The following AGT variants were observed in gnomAD, a reference collection of about 807,000 sequenced individuals.
The protein encoded by AGT is alpha-1 antiproteinase, antitrypsin.
In AGT, 26 loss-of-function variants were observed where a neutral mutation model predicts 28.1. The ratio of observed to expected loss-of-function variants is 0.92; its 90% confidence interval spans 0.68 to 1.28. The LOEUF is 1.28. Among genes scored for constraint, AGT ranks in the 50% most tolerant of loss-of-function variants. AGT has a pLI of 0.00. For synonymous variants in AGT, 259 were observed against 259.6 expected (o/e 1.00, Z 0.02); for missense variants, 596 against 592.3 (o/e 1.01, Z -0.06).
At position 230,710,521 on chromosome 1, in the gene AGT, G is replaced by A. The variant is rs5040; in HGVS notation, c.303C>T (p.Ala101=). 2.7e-5 allele frequency: 43 copies of A among 1,614,222 alleles called. No homozygotes were observed. In the African/African-American group the frequency reaches 4.8e-4, roughly 18 times the overall value. Residue 101 remains alanine, a synonymous_variant, in exon 2 of 5, where the codon GCC becomes GCT. Coordinates refer to ENST00000366667, the MANE Select transcript of AGT (RefSeq NM_001384479.1). ...CATATATACGGAAGCCCAAGAAGTT[G>A]GCCAGCATCCCGACCATTGCGGCCC... ...KLRAAMVGML[A]NFLGFRIYGM... is the part of the protein sequence containing the mutation.
intron 3 of AGT, among the ~76,000 whole-genome samples, chr1:230,705,541 C>T (rs1487071464): frequency 6.6e-6 from 1 of 152,234 alleles, no homozygotes; most frequent in Non-Finnish European, 1.5e-5. Flanking sequence ...TCCGAACCCT[C>T]CTGGCAAGTC....
intron 1 of AGT, among the ~76,000 whole-genome samples, chr1:230,734,366 T>G (rs1343668562): frequency 6.6e-6 from 1 of 151,308 alleles, no homozygotes; most frequent in Non-Finnish European, 1.5e-5. Flanking sequence ...GAAAATAGAA[T>G]GGTGGTTTCC....
intron 4 of AGT, 48 bp downstream of exon 4, chr1:230,704,145 G>A: frequency 6.2e-7 from 1 of 1,613,904 alleles, no homozygotes; most frequent in East Asian, 2.2e-5. Flanking sequence ...CTCCCACCCT[G>A]TGCACACTTG....
chr1:230,710,206 T>G lies in AGT; in HGVS notation c.618A>C (p.Pro206=). The G allele has an allele frequency of 6.2e-7, 1 of 1,613,670 alleles. No individual in the cohort carries two copies. The highest frequency in any genetic ancestry group is 8.5e-7 in the Non-Finnish European group (1 of 1,179,958). The part of the protein sequence containing the change: ...LSTVVGVFTA[P]GLHLKQPFVQ... Reference sequence around the variant, plus strand: ...CAAACGGCTGCTTCAGGTGCAGGCCTGGGGCTGTGAACACGCCCACCACCG... The same window carrying G: ...CAAACGGCTGCTTCAGGTGCAGGCCGGGGGCTGTGAACACGCCCACCACCG... The change falls in exon 2 of 5, where the codon CCA becomes CCC. Residue 206 remains proline (P), a synonymous_variant. Coordinates refer to ENST00000366667, the MANE Select transcript of AGT (RefSeq NM_001384479.1).
chr1:230,732,723 T>C (rs1287717395), intron 1 of AGT, among the ~76,000 whole-genome samples: 1 of 152,134 alleles, frequency 6.6e-6, no homozygotes, highest in African/African-American at 2.4e-5. Context: ...TACTCTCCAT[T>C]AAATGGAAGT....
chr1:230,718,722 C>CTTTTTTTTTTTTTTTTTTTTTTTTT (rs1228887131), upstream of AGT, among the ~76,000 whole-genome samples: 1 of 118,496 alleles, frequency 8.4e-6, no homozygotes, highest in African/African-American at 3.4e-5. Flanking sequence ...TTCCACACCG[C>CTTTTTTTTTTTTTTTTTTTTTTTTT]TTTTTTTTTT....
intron 2 of AGT, among the ~76,000 whole-genome samples, 173 bp downstream of exon 2, chr1:230,709,822 G>C (rs557130058): frequency 6.6e-6 from 1 of 152,346 alleles, no homozygotes; most frequent in East Asian, 1.9e-4. Context: ...CCAGGAGGTG[G>C]ACGGCCCATC....
Position 230,706,163 on chromosome 1 carries a change from C to T in AGT, c.867G>A (p.Gln289=), listed in dbSNP as rs1250778117. 18 of 1,613,834 alleles carry T rather than the reference C, an allele frequency of 1.1e-5. No individual in the cohort carries two copies. Among genetic ancestry groups the T allele is most frequent in the Non-Finnish European group, 1.4e-5 (17 of 1,179,872 alleles). ...AGGTGCTGTTGTCCACCCAGAACTC[C>T]TGGGGCTCGGCCAGCAGGGAGAAGC... ...MKGFSLLAEP[Q]EFWVDNSTSV... Residue 289 remains glutamine (Q), a synonymous_variant, in exon 3 of 5, where the codon CAG becomes CAA. Coordinates refer to ENST00000366667, the MANE Select transcript of AGT (RefSeq NM_001384479.1).
chr1:230,710,930 G>T, intron 1 of AGT, 77 bp from the exon 2 acceptor site: 1 of 1,524,628 alleles, frequency 6.6e-7, no homozygotes, highest in Non-Finnish European at 9.0e-7. Flanking sequence ...ATCTTTCATT[G>T]TCTCAATATT....
At chr1:230,707,252 C>CA (rs755851510) in intron 2 of AGT, among the ~76,000 whole-genome samples, 2 of 152,258 alleles carry the variant, frequency 1.3e-5, no homozygotes, top group Non-Finnish European at 2.9e-5. Context: ...CTCGACCTTA[C>CA]ACTAGCACAT....
upstream of AGT, among the ~76,000 whole-genome samples, chr1:230,717,225 A>C (rs1411842704): frequency 6.6e-6 from 1 of 151,822 alleles, no homozygotes; most frequent in Non-Finnish European, 1.5e-5. Flanking sequence ...CCCTTTCTAT[A>C]TAGACACAGT....
At chr1:230,739,962 GCCACT>G (rs1558296721) in intron 1 of AGT, among the ~76,000 whole-genome samples, 4 of 152,192 alleles carry the variant, frequency 2.6e-5, no homozygotes. Flanking sequence ...AGAAAGAATG[GCCACT>G]CCGTAGGTAG....
At chr1:230,720,808 G>A (rs914661339) in intron 1 of AGT, among the ~76,000 whole-genome samples, 5 of 144,936 alleles carry the variant, frequency 3.4e-5, no homozygotes, top group East Asian at 2.6e-4. Flanking sequence ...CCAGCCACAT[G>A]GGGGACTTTC....
At chr1:230,731,881 C>T (rs943084604) in intron 1 of AGT, among the ~76,000 whole-genome samples, 1 of 151,720 alleles carries the variant, frequency 6.6e-6, no homozygotes, top group African/African-American at 2.4e-5. Flanking sequence ...AAAATAATAA[C>T]AACAACAACA....
intron 2 of AGT, among the ~76,000 whole-genome samples, chr1:230,707,965 C>A (rs1194786245): frequency 7.9e-5 from 12 of 152,180 alleles, no homozygotes. Flanking sequence ...GGCCCCAGAT[C>A]CTCAGGTCCT....
chr1:230,742,069 T>A (rs1435037550), intron 1 of AGT, among the ~76,000 whole-genome samples: 1 of 151,984 alleles, frequency 6.6e-6, no homozygotes, highest in Non-Finnish European at 1.5e-5. Context: ...AATAAAATTT[T>A]AAAAAATTCA....
At chr1:230,734,857 C>G (rs1453312919) in intron 1 of AGT, among the ~76,000 whole-genome samples, 1 of 152,022 alleles carries the variant, frequency 6.6e-6, no homozygotes, top group Non-Finnish European at 1.5e-5. Flanking sequence ...CTACAGGCGC[C>G]TGCCACCACG....
intron 1 of AGT, among the ~76,000 whole-genome samples, chr1:230,740,914 T>C (rs1571990290): frequency 6.6e-6 from 1 of 152,300 alleles, no homozygotes; most frequent in East Asian, 1.9e-4. Flanking sequence ...ACCACTGCAC[T>C]CTAGCCTGGC....
chr1:230,706,191 T>C lies in AGT; in HGVS notation c.839A>G (p.Lys280Arg). Reference sequence around the variant, plus strand: ...GGGCTCGGCCAGCAGGGAGAAGCCCTTCATCTTCCCTGAAATCCAGACAGG... The same window carrying C: ...GGGCTCGGCCAGCAGGGAGAAGCCCCTCATCTTCCCTGAAATCCAGACAGG... ...NTYVHFQGKM[K>R]GFSLLAEPQE... is the part of the protein sequence containing the mutation. Residue 280 changes from lysine to arginine, a missense_variant, in exon 3 of 5, where the codon AAG becomes AGG. Physicochemically the swap from Lys to Arg is conservative, Grantham distance 26. Coordinates refer to ENST00000366667, the MANE Select transcript of AGT (RefSeq NM_001384479.1). The C allele has an allele frequency of 6.2e-7, 1 of 1,613,276 alleles. No individual in the cohort carries two copies. The highest frequency in any genetic ancestry group is 8.5e-7 in the Non-Finnish European group (1 of 1,179,508).
Sources: gnomAD v4.1 joint callset for allele counts (sites outside exome capture counted in the v4.1 genomes callset) on GRCh38, gnomAD v4.1.1 for gene constraint, MANE v1.5 for transcripts, NCBI Gene and HGNC (gene_info 2026-07-23, HGNC 2026-07-21) for gene names.